CD226: variants seen among roughly 807,000 people sequenced by gnomAD.
The protein encoded by CD226 is CD226 antigen.
CD226 carries 24 observed loss-of-function variants against 34.9 expected under a neutral mutation model. The observed-to-expected ratio is 0.69, with a 90% confidence interval of 0.50 to 0.97. The LOEUF (loss-of-function observed/expected upper bound fraction) is 0.97, where lower values mean the gene tolerates loss of function less well. Ranked by LOEUF, CD226 falls within the 50% of genes least tolerant of loss-of-function variation. The pLI is 0.00. For synonymous variants in CD226, 148 were observed against 147.4 expected (o/e 1.00, Z -0.03); for missense variants, 397 against 412.7 (o/e 0.96, Z 0.33).
chr18:69,932,511 T>A (rs2055601740), intron 2 of CD226, among the ~76,000 whole-genome samples: 1 of 152,138 alleles, frequency 6.6e-6, no homozygotes, highest in Non-Finnish European at 1.5e-5. Context: ...ATCACCACTA[T>A]CCACCCCTCC....
upstream of CD226, among the ~76,000 whole-genome samples, chr18:69,960,147 C>A (rs1168087040): frequency 1.3e-5 from 2 of 150,512 alleles, no homozygotes; most frequent in Non-Finnish European, 3.0e-5. Context: ...GGCTGAGGCA[C>A]GAGAACCACT....
chr18:69,864,527 A>G, intron 5 of CD226, 88 bp from the exon 6 acceptor site: 1 of 1,300,120 alleles, frequency 7.7e-7, no homozygotes. Flanking sequence ...TCATAAATGC[A>G]GGCATGATAT....
chr18:69,942,890 T>C (rs2055743665), intron 2 of CD226, among the ~76,000 whole-genome samples: 1 of 152,160 alleles, frequency 6.6e-6, no homozygotes, highest in African/African-American at 2.4e-5. Context: ...TCCCTCTCTG[T>C]CTTCTCTCTT....
chr18:69,912,130 A>G (rs1261278248), intron 2 of CD226, among the ~76,000 whole-genome samples: 1 of 152,164 alleles, frequency 6.6e-6, no homozygotes, highest in African/African-American at 2.4e-5. Context: ...CCTTCCTTAC[A>G]CCTTATACAA....
Position 69,864,018 on chromosome 18 carries a change from T to C in CD226, c.*296A>G. On this transcript the variant is annotated 3_prime_UTR_variant, in exon 6 of 6. Coordinates refer to ENST00000582621, the MANE Select transcript of CD226 (RefSeq NM_001303618.2). Reference sequence around the variant, plus strand: ...GCCAGTTTATGCCCATACTTAATTCTAGACACAACATTTAAGCCCTGGTAA... The same window carrying C: ...GCCAGTTTATGCCCATACTTAATTCCAGACACAACATTTAAGCCCTGGTAA... The C allele has an allele frequency of 4.3e-6, 1 of 230,224 alleles. No individual in the cohort carries two copies. Among genetic ancestry groups the C allele is most frequent in the Non-Finnish European group, 8.4e-6 (1 of 118,476 alleles). 14.3% of individuals were successfully genotyped at this position (230,224 alleles called of 1,614,324 possible). A position where few individuals can be genotyped will look rare whatever the true frequency, so the allele number is the denominator to read the frequency against.
chr18:69,895,919 G>A lies in CD226; in HGVS notation c.509C>T (p.Pro170Leu), dbSNP rs371645451. ...GTAAGTTAAGAGGTCGATCTGACGGGGCTGGATCTTTTCCCACCTCACTGC... is the reference window on the plus strand; with the variant it reads ...GTAAGTTAAGAGGTCGATCTGACGGAGCTGGATCTTTTCCCACCTCACTGC... ...VQAVRWEKIQ[P>L]RQIDLLTYCN... Residue 170 changes from proline (P) to leucine (L), a missense_variant, in exon 3 of 6, where the codon CCC (proline) becomes CTC (leucine). Coordinates refer to ENST00000582621, the MANE Select transcript of CD226 (RefSeq NM_001303618.2). The A allele has an allele frequency of 8.7e-5, 141 of 1,614,016 alleles. No homozygotes were observed. Among genetic ancestry groups the A allele is most frequent in the Middle Eastern group, 1.6e-4 (1 of 6,084 alleles).
intron 2 of CD226, among the ~76,000 whole-genome samples, chr18:69,937,093 T>C (rs2055663788): frequency 6.6e-6 from 1 of 152,212 alleles, no homozygotes; most frequent in Admixed American, 6.5e-5. Flanking sequence ...TACCGTAAGA[T>C]AGGTTGTAAA....
At chr18:69,928,473 A>T (rs1261367995) in intron 2 of CD226, among the ~76,000 whole-genome samples, 1 of 152,188 alleles carries the variant, frequency 6.6e-6, no homozygotes, top group Non-Finnish European at 1.5e-5. Flanking sequence ...AATATGTTCA[A>T]TGAAAAGGTG....
intron 3 of CD226, among the ~76,000 whole-genome samples, chr18:69,893,213 T>C (rs1270121776): frequency 6.6e-6 from 1 of 152,222 alleles, no homozygotes; most frequent in African/African-American, 2.4e-5. Context: ...ATCTGTCAAC[T>C]GAATGTCAAA....
intron 2 of CD226, among the ~76,000 whole-genome samples, chr18:69,920,270 T>C (rs1050958268): frequency 6.6e-6 from 1 of 152,246 alleles, no homozygotes. Flanking sequence ...ACAAATGAAC[T>C]TACTTCTCTA....
At chr18:69,946,329 A>T (rs1052861378) in intron 2 of CD226, among the ~76,000 whole-genome samples, 2 of 152,054 alleles carry the variant, frequency 1.3e-5, no homozygotes, top group African/African-American at 2.4e-5. Flanking sequence ...TGTAGGAAGA[A>T]CCTTGAACAC....
rs1231305142 is a variant in CD226 at position 69,864,251 on chromosome 18, G to A, written c.*63C>T. On this transcript the variant is annotated 3_prime_UTR_variant, in exon 6 of 6. Coordinates refer to ENST00000582621, the MANE Select transcript of CD226 (RefSeq NM_001303618.2). ...AGACCTTGGGTAGTGGAAAAAAATT[G>A]CATAAAGATCCATGCATGAGTACAT... The A allele has an allele frequency of 7.1e-6, 11 of 1,545,452 alleles. No homozygotes were observed. The highest frequency in any genetic ancestry group is 2.3e-5 in the East Asian group (1 of 44,044).
intron 2 of CD226, among the ~76,000 whole-genome samples, chr18:69,922,918 G>A (rs1331601765): frequency 2.0e-5 from 3 of 152,084 alleles, no homozygotes; most frequent in Admixed American, 2.0e-4. Flanking sequence ...GATCGCCTAA[G>A]GTCAGGAGTT....
chr18:69,898,629 G>C (rs1011227360), intron 2 of CD226, among the ~76,000 whole-genome samples: 4 of 152,194 alleles, frequency 2.6e-5, no homozygotes, highest in Non-Finnish European at 2.9e-5. Flanking sequence ...CCCAACCCTA[G>C]AGCCAGGTGG....
chr18:69,865,327 T>G (rs531103797), intron 5 of CD226, among the ~76,000 whole-genome samples: 1 of 152,188 alleles, frequency 6.6e-6, no homozygotes, highest in East Asian at 1.9e-4. Context: ...AAAATGAAAA[T>G]TCAAGTGCCA....
rs1194364011 is a variant in CD226, at chr18:69,863,143, T to C, written c.*1171A>G. On this transcript the variant is annotated 3_prime_UTR_variant, in exon 6 of 6. Transcript: ENST00000582621. ...TTGTATTTTTCTGTGGTTTGATTCCTTTCTCCTGTTGCCTGTACCCTCCCA... is the reference window on the plus strand; with the variant it reads ...TTGTATTTTTCTGTGGTTTGATTCCCTTCTCCTGTTGCCTGTACCCTCCCA... 6.6e-6 allele frequency: 1 copy of C among 152,216 alleles called. No homozygotes were observed. The highest frequency in any genetic ancestry group is 1.5e-5 in the Non-Finnish European group (1 of 68,028). 9.4% of individuals were successfully genotyped at this position (152,216 alleles called of 1,614,324 possible).
chr18:69,938,385 C>T (rs1371782723), intron 2 of CD226, among the ~76,000 whole-genome samples: 1 of 152,178 alleles, frequency 6.6e-6, no homozygotes, highest in Non-Finnish European at 1.5e-5. Context: ...TCCTCCAAGC[C>T]ACAAGCTATG....
chr18:69,951,236 C>T (rs1012729218), upstream of CD226, among the ~76,000 whole-genome samples: 2 of 151,980 alleles, frequency 1.3e-5, no homozygotes, highest in African/African-American at 4.8e-5. Context: ...TGTTGGCCTC[C>T]TAAAGTGTTG....
intron 2 of CD226, among the ~76,000 whole-genome samples, chr18:69,926,887 T>C (rs949576888): frequency 2.0e-5 from 3 of 152,186 alleles, no homozygotes; most frequent in Non-Finnish European, 4.4e-5. Context: ...TGTCAACAAA[T>C]CCTTTTTTGT....
Sources: allele counts gnomAD v4.1 joint callset (sites outside exome capture counted in the v4.1 genomes callset), GRCh38; gene constraint gnomAD v4.1.1; transcripts MANE v1.5; gene names NCBI Gene and HGNC (gene_info 2026-07-23, HGNC 2026-07-21).